RAB19: variants seen among roughly 807,000 people sequenced by gnomAD.
The protein encoded by RAB19 is RAB19, member RAS oncogene family, also known as ras-related protein Rab-19.
RAB19 carries 21 observed loss-of-function variants against 17.3 expected under a neutral mutation model. The observed-to-expected ratio is 1.21, with a 90% CI of 0.86 to 1.74. The LOEUF (loss-of-function observed/expected upper bound fraction) is 1.74. RAB19 is among the 40% of genes most tolerant of loss of function. The pLI is 0.00. For synonymous variants in RAB19, 126 were observed against 110.4 expected, an observed-to-expected ratio of 1.14 and a Z score of -0.88; for missense variants, 277 against 286.8, an observed-to-expected ratio of 0.97 and a Z score of 0.25.
At chr7:140,411,770 GA>G in intron 2 of RAB19, 103 bp from the exon 3 acceptor site, 4 of 1,602,310 alleles carry the variant, frequency 2.5e-6, no homozygotes, top group Non-Finnish European at 3.4e-6. Flanking sequence ...TGAATATCTA[GA>G]AGTGAGACCC....
intron 3 of RAB19, among the ~76,000 whole-genome samples, chr7:140,415,764 A>G (rs773861472): frequency 1.2e-4 from 13 of 112,984 alleles, no homozygotes; most frequent in African/African-American, 2.2e-4. Flanking sequence ...AATTAGCCAG[A>G]TGTGGTGGTG....
At chr7:140,409,492 C>T (rs1799310436) in intron 2 of RAB19, among the ~76,000 whole-genome samples, 1 of 151,372 alleles carries the variant, frequency 6.6e-6, no homozygotes, top group African/African-American at 2.4e-5. Flanking sequence ...GTCAGGAGTT[C>T]AAGACCAGCC....
At chr7:140,423,170 T>G (rs1799592233) in intron 3 of RAB19, among the ~76,000 whole-genome samples, 1 of 152,012 alleles carries the variant, frequency 6.6e-6, no homozygotes, top group South Asian at 2.1e-4. Context: ...CTGGGCGTGG[T>G]GGCTCACGCC....
intron 1 of RAB19, among the ~76,000 whole-genome samples, chr7:140,405,743 C>A (rs1229963974): frequency 1.4e-5 from 2 of 143,066 alleles, no homozygotes; most frequent in South Asian, 2.2e-4. Context: ...GTTTTGAGAT[C>A]ATACCACTGC....
intron 1 of RAB19, among the ~76,000 whole-genome samples, chr7:140,406,764 CA>C (rs1202981706): frequency 6.6e-6 from 1 of 151,898 alleles, no homozygotes; most frequent in Non-Finnish European, 1.5e-5. Context: ...ATTTCCTGGT[CA>C]AAAAAATTAG....
At chr7:140,419,469 C>T (rs1264161315) in intron 3 of RAB19, among the ~76,000 whole-genome samples, 5 of 152,164 alleles carry the variant, frequency 3.3e-5, no homozygotes, top group African/African-American at 9.7e-5. Context: ...TCCATCGTTG[C>T]ATGTGGCTGT....
intron 3 of RAB19, among the ~76,000 whole-genome samples, chr7:140,420,247 C>T (rs1483351328): frequency 6.6e-6 from 1 of 151,984 alleles, no homozygotes; most frequent in Admixed American, 6.6e-5. Flanking sequence ...ATGGCGAAAC[C>T]CCGTCTCTAC....
Position 140,426,292 on chromosome 7 carries a change from G to A in RAB19, c.*142G>A. On this transcript the variant is annotated 3_prime_UTR_variant, in exon 4 of 4. Transcript: ENST00000537763. ...ACCCCTAATCCTCCCAGTCTGGATG[G>A]GCCACACTTCTCCCTTGACTCACAC... 2 of 924,190 alleles carry A rather than the reference G, an allele frequency of 2.2e-6. No individual in the cohort carries two copies. Among genetic ancestry groups the A allele is most frequent in the Non-Finnish European group, 3.2e-6 (2 of 631,296 alleles). The allele number at this position is 924,190 out of a possible 1,614,324, so 57.2% of individuals were successfully genotyped here. A position where few individuals can be genotyped will look rare whatever the true frequency, so the allele number is the denominator to read the frequency against.
At chr7:140,410,863 C>T in intron 2 of RAB19, 2 of 1,227,294 alleles carry the variant, frequency 1.6e-6, no homozygotes, top group South Asian at 2.4e-5. Flanking sequence ...TACCCTCAGA[C>T]ACTGTGAGAG....
intron 3 of RAB19, among the ~76,000 whole-genome samples, chr7:140,418,420 A>AAAC (rs1799500011): frequency 8.5e-6 from 1 of 118,282 alleles, no homozygotes; most frequent in Admixed American, 8.8e-5. Context: ...AAAAAAAAAA[A>AAAC]AATTAGCCGG....
intron 3 of RAB19, among the ~76,000 whole-genome samples, chr7:140,419,047 TTTTG>T (rs886563572): frequency 3.6e-4 from 53 of 147,410 alleles, no homozygotes; most frequent in African/African-American, 1.2e-3. Context: ...TTGGTGGGTT[TTTTG>T]TTTGTTTGTT....
intron 3 of RAB19, among the ~76,000 whole-genome samples, chr7:140,422,167 A>G (rs569342395): frequency 6.6e-6 from 1 of 152,234 alleles, no homozygotes; most frequent in South Asian, 2.1e-4. Flanking sequence ...TGGGCTGATC[A>G]CCTAAAGTCA....
In RAB19 at chr7:140,424,653, ATATG is replaced by A. The variant is rs1441763401; in HGVS notation, c.386-1227_386-1224del. Among the ~76,000 whole-genome samples, 243 of 100,340 alleles carry A rather than the reference ATATG, an allele frequency of 2.4e-3. 3 individuals carry two copies. The highest frequency in any genetic ancestry group is 0.011 in the African/African-American group (229 of 20,414). 65.8% of individuals were successfully genotyped at this position (100,340 alleles called of 152,430 possible). A position where few individuals can be genotyped will look rare whatever the true frequency, so the allele number is the denominator to read the frequency against. The stretch of plus-strand genomic sequence containing the variant: ...TATATATATATATGTGTGTGTGTAT[ATATG>A]TGTGTGTATATATATATATATATAT... On this transcript the variant is annotated intron_variant, in intron 3 of 3. Transcript: ENST00000537763.
intron 1 of RAB19, among the ~76,000 whole-genome samples, chr7:140,406,816 G>C (rs985791810): frequency 9.9e-5 from 15 of 152,068 alleles, no homozygotes; most frequent in Non-Finnish European, 1.9e-4. Context: ...TCTTCCCCAA[G>C]CTGACTTACC....
intron 3 of RAB19, among the ~76,000 whole-genome samples, chr7:140,424,619 C>CTCTATA (rs1417797554): frequency 2.2e-4 from 19 of 87,894 alleles, no homozygotes; most frequent in Non-Finnish European, 4.0e-4. Context: ...CTCTCTCTCT[C>CTCTATA]TATATATATA....
intron 1 of RAB19, 150 bp from the exon 2 acceptor site, chr7:140,407,474 G>T: frequency 1.6e-6 from 1 of 608,694 alleles, no homozygotes; most frequent in Non-Finnish European, 2.9e-6. Context: ...GCAGATGTCA[G>T]CTTATGGGGA....
In RAB19 at chr7:140,426,375, T is replaced by A. The variant is rs1014537494; in HGVS notation, c.*225T>A. 5.6e-6 allele frequency: 3 copies of A among 536,092 alleles called. No homozygotes were observed. In the African/African-American group the frequency reaches 5.7e-5, roughly 10 times the overall value. 33.2% of individuals were successfully genotyped at this position (536,092 alleles called of 1,614,324 possible). ...CAGCACCATTGTTTTCACTGACTCTTGACTCCTGGAGAAGGCAGGACTTCA... is the reference window on the plus strand; with the variant it reads ...CAGCACCATTGTTTTCACTGACTCTAGACTCCTGGAGAAGGCAGGACTTCA... On this transcript the variant is annotated 3_prime_UTR_variant, in exon 4 of 4. Coordinates refer to ENST00000537763, the MANE Select transcript of RAB19 (RefSeq NM_001008749.3).
intron 3 of RAB19, among the ~76,000 whole-genome samples, chr7:140,419,679 T>C (rs963840402): frequency 7.2e-5 from 11 of 152,248 alleles, no homozygotes; most frequent in African/African-American, 2.6e-4. Flanking sequence ...AGGAGCAAAA[T>C]TGCATGGTCA....
At chr7:140,420,443 G>A (rs1034296290) in intron 3 of RAB19, among the ~76,000 whole-genome samples, 63 of 144,032 alleles carry the variant, frequency 4.4e-4, no homozygotes, top group Non-Finnish European at 7.8e-4. Context: ...AAAAAAAGAA[G>A]AAGAAGAAGG....
Sources: allele counts gnomAD v4.1 joint callset (sites outside exome capture counted in the v4.1 genomes callset), GRCh38; gene constraint gnomAD v4.1.1; transcripts MANE v1.5; gene names NCBI Gene and HGNC (gene_info 2026-07-23, HGNC 2026-07-21).